FBXL17: variants seen among roughly 807,000 people sequenced by gnomAD.
FBXL17 encodes the protein F-box and leucine rich repeat protein 17.
FBXL17 carries 22 observed loss-of-function variants against 66.2 expected under a neutral mutation model. That is an observed-to-expected ratio of 0.33 (90% CI 0.24 to 0.47). The LOEUF is 0.47. Among genes scored for constraint, FBXL17 ranks in the 20% least tolerant of loss-of-function variants. The probability of loss-of-function intolerance (pLI) is 1.00; values close to 1 mark genes in which losing one functional copy is unlikely to be tolerated. For synonymous variants in FBXL17, 474 were observed against 400.5 expected (o/e 1.18, Z -2.19); for missense variants, 878 against 948.2 (o/e 0.93, Z 0.97).
At chr5:108,075,651 A>G (rs1748514867) in intron 6 of FBXL17, among the ~76,000 whole-genome samples, 2 of 152,022 alleles carry the variant, frequency 1.3e-5, no homozygotes, top group African/African-American at 4.8e-5. Context: ...AATTTTTGGT[A>G]TTTTTAGTAG....
intron 7 of FBXL17, among the ~76,000 whole-genome samples, chr5:107,926,650 C>T (rs770342867): frequency 6.6e-6 from 1 of 150,930 alleles, no homozygotes; most frequent in African/African-American, 2.4e-5. Flanking sequence ...AATTAGCTAG[C>T]CTATGATAGG....
intron 4 of FBXL17, among the ~76,000 whole-genome samples, chr5:108,246,034 C>G (rs918165579): frequency 6.6e-6 from 1 of 152,214 alleles, no homozygotes; most frequent in African/African-American, 2.4e-5. Context: ...ATGTCTGTCT[C>G]TCCCACACAG....
intron 4 of FBXL17, among the ~76,000 whole-genome samples, chr5:108,248,112 C>T (rs996499409): frequency 3.3e-5 from 5 of 152,110 alleles, no homozygotes; most frequent in African/African-American, 1.2e-4. Flanking sequence ...AAAATCTCAA[C>T]TTAAATAAGA....
intron 6 of FBXL17, among the ~76,000 whole-genome samples, chr5:108,181,079 A>G (rs1752983162): frequency 6.6e-6 from 1 of 152,222 alleles, no homozygotes; most frequent in African/African-American, 2.4e-5. Context: ...GAACCATTAT[A>G]AGTATATTGC....
At chr5:107,995,495 A>G (rs1002493841) in intron 7 of FBXL17, among the ~76,000 whole-genome samples, 9 of 152,126 alleles carry the variant, frequency 5.9e-5, no homozygotes, top group South Asian at 2.1e-4. Flanking sequence ...TTCTAGTAGG[A>G]CTTATTTGAG....
intron 4 of FBXL17, among the ~76,000 whole-genome samples, chr5:108,290,205 A>C (rs1443492502): frequency 2.0e-5 from 3 of 152,192 alleles, no homozygotes; most frequent in Admixed American, 2.0e-4. Flanking sequence ...TCTTAGATTC[A>C]GTGAAGTAGA....
At chr5:108,154,860 C>G (rs1382334582) in intron 6 of FBXL17, among the ~76,000 whole-genome samples, 1 of 151,580 alleles carries the variant, frequency 6.6e-6, no homozygotes, top group Non-Finnish European at 1.5e-5. Flanking sequence ...CTAATCCTTA[C>G]AGACTGCTCT....
chr5:108,081,950 T>C (rs1264020775), intron 6 of FBXL17, among the ~76,000 whole-genome samples: 1 of 152,102 alleles, frequency 6.6e-6, no homozygotes, highest in East Asian at 1.9e-4. Flanking sequence ...GGCTGCAAGT[T>C]CATCAAGAAG....
At chr5:108,282,039 TC>T (rs1406735841) in intron 4 of FBXL17, among the ~76,000 whole-genome samples, 1 of 150,580 alleles carries the variant, frequency 6.6e-6, no homozygotes, top group South Asian at 2.1e-4. Context: ...AATAAAAAAC[TC>T]CCCAAAAAAG....
At chr5:107,939,353 G>T (rs752916580) in intron 7 of FBXL17, among the ~76,000 whole-genome samples, 2 of 151,870 alleles carry the variant, frequency 1.3e-5, no homozygotes, top group African/African-American at 2.4e-5. Context: ...TCTGGGGCAC[G>T]CAACATGAGA....
intron 7 of FBXL17, among the ~76,000 whole-genome samples, chr5:107,940,648 G>C (rs1751060841): frequency 1.3e-5 from 2 of 152,130 alleles, no homozygotes; most frequent in Non-Finnish European, 1.5e-5. Context: ...AGAGTAGCAT[G>C]AGCTTATCTG....
At chr5:108,088,700 C>CAAAAAA (rs57707936) in intron 6 of FBXL17, among the ~76,000 whole-genome samples, 11 of 49,346 alleles carry the variant, frequency 2.2e-4, no homozygotes, top group Admixed American at 3.0e-4. Flanking sequence ...GACTCTATCT[C>CAAAAAA]AAAAAAAAAA....
intron 1 of FBXL17, among the ~76,000 whole-genome samples, chr5:108,376,783 ATTCT>A (rs1196850883): frequency 4.9e-5 from 6 of 122,818 alleles, no homozygotes; most frequent in Non-Finnish European, 9.9e-5. Context: ...GCCAGTGTAT[ATTCT>A]TTTTTTTTTT....
chr5:107,861,902 A>T (rs774797460), intron 8 of FBXL17, 42 bp from the exon 9 acceptor site: 7 of 1,436,298 alleles, frequency 4.9e-6, no homozygotes. Context: ...AGAGACCACC[A>T]ACACCACGCC....
chr5:107,961,323 C>G (rs1373929306), intron 7 of FBXL17, among the ~76,000 whole-genome samples: 3 of 151,878 alleles, frequency 2.0e-5, no homozygotes, highest in East Asian at 3.9e-4. Flanking sequence ...CTCCCAGGCT[C>G]AAGATATTCT....
chr5:108,083,644 A>G (rs1272288416), intron 6 of FBXL17, among the ~76,000 whole-genome samples: 1 of 151,810 alleles, frequency 6.6e-6, no homozygotes, highest in Non-Finnish European at 1.5e-5. Context: ...CTGGCCTTAA[A>G]CAATCCACCT....
chr5:108,219,795 T>TAACA (rs1754771911), intron 5 of FBXL17, among the ~76,000 whole-genome samples: 1 of 152,164 alleles, frequency 6.6e-6, no homozygotes, highest in Non-Finnish European at 1.5e-5. Flanking sequence ...TTGGCAAGTT[T>TAACA]TTTTTGATCA....
intron 4 of FBXL17, chr5:108,298,590 G>A (rs1758445331): frequency 5.3e-6 from 5 of 949,436 alleles, no homozygotes; most frequent in Non-Finnish European, 6.3e-6. Context: ...TGTTGTAACT[G>A]TAAAAAAATA....
At chr5:108,107,748 C>A (rs1749861432) in intron 6 of FBXL17, among the ~76,000 whole-genome samples, 2 of 146,586 alleles carry the variant, frequency 1.4e-5, no homozygotes, top group South Asian at 4.3e-4. Context: ...GGAGGCAGAG[C>A]TTGCAGTGAG....
Sources: gnomAD v4.1 joint callset for allele counts (sites outside exome capture counted in the v4.1 genomes callset) on GRCh38, gnomAD v4.1.1 for gene constraint, MANE v1.5 for transcripts, NCBI Gene and HGNC (gene_info 2026-07-23, HGNC 2026-07-21) for gene names.